Variants in CRACDL observed in about 807,000 individuals in gnomAD.
CRACDL encodes CRACD like, also known as CRACD-like protein.
Under a neutral mutation model 70.6 loss-of-function variants are expected in CRACDL, and 26 were observed. The ratio of observed to expected loss-of-function variants is 0.37; its 90% CI spans 0.27 to 0.51. CRACDL has a LOEUF of 0.51. CRACDL is among the 20% of genes least tolerant of loss of function. The pLI is 0.94. For synonymous variants in CRACDL, 618 were observed against 615.2 expected (o/e 1.00, Z -0.07); for missense variants, 1,283 against 1,376.9 (o/e 0.93, Z 1.08).
intron 7 of CRACDL, among the ~76,000 whole-genome samples, chr2:98,810,041 C>T (rs1360485348): frequency 6.6e-6 from 1 of 152,170 alleles, no homozygotes; most frequent in Non-Finnish European, 1.5e-5. Flanking sequence ...TGCCTTGCTC[C>T]CTCCCTCATC....
Position 98,922,438 on chromosome 2 carries a change from C to CAA in CRACDL, c.-11+13498_-11+13499dup, listed in dbSNP as rs565954351. Among the ~76,000 whole-genome samples, 187 of 63,400 alleles carry CAA rather than the reference C, an allele frequency of 2.9e-3. 1 individual carries two copies. Among genetic ancestry groups the CAA allele is most frequent in the Middle Eastern group, 0.016 (2 of 124 alleles). The allele number at this position is 63,400 out of a possible 152,430, so 41.6% of individuals were successfully genotyped here. A position where few individuals can be genotyped will look rare whatever the true frequency, so the allele number is the denominator to read the frequency against. The stretch of plus-strand genomic sequence containing the variant: ...CTGGCAACAGAGCAAGACTCCGTCT[C>CAA]AAAAAAAAAAAAAAAAAGAAAAAGA... On this transcript the variant is annotated intron_variant, in intron 1 of 9. Transcript: ENST00000397899.
At chr2:98,878,039 C>G (rs113798778) in intron 1 of CRACDL, among the ~76,000 whole-genome samples, 11 of 151,966 alleles carry the variant, frequency 7.2e-5, no homozygotes, top group African/African-American at 2.4e-4. Context: ...CTCTGCCCCC[C>G]AGGTTCAAGC....
At chr2:98,839,170 C>T (rs1452192352) in intron 2 of CRACDL, among the ~76,000 whole-genome samples, 1 of 152,144 alleles carries the variant, frequency 6.6e-6, no homozygotes, top group African/African-American at 2.4e-5. Flanking sequence ...CAGGATCTTT[C>T]TGTTGTGTTT....
intron 1 of CRACDL, among the ~76,000 whole-genome samples, chr2:98,928,078 G>T (rs964168754): frequency 2.0e-5 from 3 of 151,996 alleles, no homozygotes; most frequent in African/African-American, 4.8e-5. Flanking sequence ...CCAGCTACTC[G>T]AGAGGCTGAC....
chr2:98,822,640 C>G lies in CRACDL; in HGVS notation c.1633G>C (p.Ala545Pro). The change falls in exon 7 of 10, where the codon GCC becomes CCC. Residue 545 changes from alanine (A) to proline (P), a missense_variant. Ala to Pro is a conservative substitution (Grantham distance 27). Transcript: ENST00000397899. The surrounding 1 kb of genome is among the most constrained non-coding windows in gnomAD (Gnocchi z 4.9). ...AAPERPKAER[A>P]EAPPAGAERA... ...TCGGCGCCCGCCGGTGGCGCCTCGG[C>G]TCGCTCGGCCTTGGGGCGCTCCGGG... 7.3e-7 allele frequency: 1 copy of G among 1,362,852 alleles called. No homozygotes were observed. The highest frequency in any genetic ancestry group is 1.5e-5 in the African/African-American group (1 of 64,942). The allele number at this position is 1,362,852 out of a possible 1,614,324, so 84.4% of individuals were successfully genotyped here. A position where few individuals can be genotyped will look rare whatever the true frequency, so the allele number is the denominator to read the frequency against.
At chr2:98,807,826 G>A (rs923928881) in intron 7 of CRACDL, among the ~76,000 whole-genome samples, 3 of 152,172 alleles carry the variant, frequency 2.0e-5, no homozygotes, top group Non-Finnish European at 4.4e-5. Flanking sequence ...GCTGATAGAG[G>A]GGGGCAGGCA....
chr2:98,909,874 C>A (rs1708502959), intron 1 of CRACDL, among the ~76,000 whole-genome samples: 2 of 152,288 alleles, frequency 1.3e-5, no homozygotes, highest in African/African-American at 4.8e-5. Flanking sequence ...AGAGTAGCTA[C>A]GGAAGCCAAC....
chr2:98,877,156 A>G (rs925550322), intron 1 of CRACDL, among the ~76,000 whole-genome samples: 4 of 152,294 alleles, frequency 2.6e-5, no homozygotes, highest in African/African-American at 9.6e-5. Context: ...TGCTGCCTCT[A>G]TTGGTAGAAA....
chr2:98,841,581 A>C (rs1236208560), intron 2 of CRACDL, among the ~76,000 whole-genome samples: 1 of 151,558 alleles, frequency 6.6e-6, no homozygotes, highest in Admixed American at 6.6e-5. Flanking sequence ...TTTGCTCTTC[A>C]TTCCTTCTCA....
chr2:98,874,896 C>A (rs927942687), intron 1 of CRACDL, among the ~76,000 whole-genome samples: 12 of 152,118 alleles, frequency 7.9e-5, no homozygotes, highest in African/African-American at 2.4e-4. Context: ...GCAACCTAGG[C>A]TCACCCCGAT....
intron 1 of CRACDL, among the ~76,000 whole-genome samples, chr2:98,911,849 C>T (rs552707188): frequency 6.6e-6 from 1 of 152,248 alleles, no homozygotes; most frequent in South Asian, 2.1e-4. Context: ...ATCTCTGCTC[C>T]GTGTGTGTTT....
intron 7 of CRACDL, among the ~76,000 whole-genome samples, chr2:98,813,168 T>C (rs1311870882): frequency 1.3e-5 from 2 of 152,142 alleles, no homozygotes; most frequent in Non-Finnish European, 2.9e-5. Context: ...CAGTGGCTCA[T>C]GCCTGTAATC....
intron 1 of CRACDL, among the ~76,000 whole-genome samples, chr2:98,860,920 C>G (rs1031431835): frequency 2.0e-5 from 3 of 152,150 alleles, no homozygotes; most frequent in Non-Finnish European, 2.9e-5. Context: ...AAAGATATCC[C>G]ATTTAAAAAC....
At chr2:98,861,074 T>C (rs1315364530) in intron 1 of CRACDL, among the ~76,000 whole-genome samples, 2 of 152,080 alleles carry the variant, frequency 1.3e-5, no homozygotes, top group South Asian at 2.1e-4. Flanking sequence ...AAAACCATAG[T>C]GATGGCTCAT....
chr2:98,906,935 T>C (rs1464551306), intron 1 of CRACDL, among the ~76,000 whole-genome samples: 1 of 152,174 alleles, frequency 6.6e-6, no homozygotes, highest in Non-Finnish European at 1.5e-5. Flanking sequence ...GTATGACGTT[T>C]CTGTGATCTC....
intron 1 of CRACDL, among the ~76,000 whole-genome samples, chr2:98,902,716 A>C (rs1708311876): frequency 6.6e-6 from 1 of 152,034 alleles, no homozygotes; most frequent in Non-Finnish European, 1.5e-5. Context: ...TCACCGGGCA[A>C]ACTCTCAGAA....
At chr2:98,838,311 A>T (rs1157940306) in intron 2 of CRACDL, 24 bp from the exon 3 acceptor site, 2 of 1,384,458 alleles carry the variant, frequency 1.4e-6, no homozygotes, top group Non-Finnish European at 2.0e-6. Context: ...AGAAAAAAAT[A>T]ATAAATAAGA....
In CRACDL at chr2:98,897,441, A is replaced by G. The variant is rs1237207873; in HGVS notation, c.-11+38497T>C. On this transcript the variant is annotated intron_variant, in intron 1 of 9. Coordinates refer to ENST00000397899, the MANE Select transcript of CRACDL (RefSeq NM_207362.3). ...ACAGGTGTCCTTATCTCAGCATACC[A>G]GATTCATTACATGGAGTATGCAGAA... The G allele has an allele frequency of 1.3e-5, 17 of 1,284,696 alleles. No individual in the cohort carries two copies. The South Asian group carries it at 2.1e-4, about 16-fold the overall frequency. The allele number at this position is 1,284,696 out of a possible 1,614,324, so 79.6% of individuals were successfully genotyped here.
At chr2:98,908,309 C>T (rs959353694) in intron 1 of CRACDL, 1 of 152,302 alleles carries the variant, frequency 6.6e-6, no homozygotes, top group Non-Finnish European at 1.5e-5. Flanking sequence ...ATTCCAAAAT[C>T]TCAGCTGTGG....
Sources: gnomAD v4.1 joint callset for allele counts (sites outside exome capture counted in the v4.1 genomes callset) on GRCh38, gnomAD v4.1.1 for gene constraint, Gnocchi (gnomAD v3.1) non-coding constraint, MANE v1.5 for transcripts, NCBI Gene and HGNC (gene_info 2026-07-23, HGNC 2026-07-21) for gene names.